SYCP1: variants seen among roughly 807,000 people sequenced by gnomAD.
SYCP1 encodes the protein synaptonemal complex protein 1, also known as cancer/testis antigen 8.
Under a neutral mutation model 153.1 loss-of-function variants are expected in SYCP1, and 64 were observed. That is an observed-to-expected ratio of 0.42 (90% CI 0.34 to 0.51). The LOEUF (loss-of-function observed/expected upper bound fraction) is 0.51. Ranked by LOEUF, SYCP1 falls within the 20% of genes least tolerant of loss-of-function variation. The pLI is 0.06. For synonymous variants in SYCP1, 384 were observed against 341.8 expected, an observed-to-expected ratio of 1.12 and a Z score of -1.36; for missense variants, 997 against 1,049.0, an observed-to-expected ratio of 0.95 and a Z score of 0.68.
At chr1:114,942,929 A>G (rs1443887397) in intron 23 of SYCP1, among the ~76,000 whole-genome samples, 2 of 151,958 alleles carry the variant, frequency 1.3e-5, no homozygotes, top group African/African-American at 4.8e-5. Flanking sequence ...AAGGATTAGA[A>G]CCCATTAAAT....
chr1:114,881,089 A>ACG (rs1665894091), intron 12 of SYCP1, among the ~76,000 whole-genome samples: 1 of 151,744 alleles, frequency 6.6e-6, no homozygotes, highest in Non-Finnish European at 1.5e-5. Context: ...ACACACACAC[A>ACG]CACACATTTC....
intron 8 of SYCP1, among the ~76,000 whole-genome samples, chr1:114,862,078 G>A (rs1664419290): frequency 6.6e-6 from 1 of 152,102 alleles, no homozygotes; most frequent in Non-Finnish European, 1.5e-5. Context: ...TGGGATTACA[G>A]GCATGAGCCA....
intron 15 of SYCP1, among the ~76,000 whole-genome samples, chr1:114,893,138 G>A (rs189927865): frequency 9.8e-5 from 15 of 152,308 alleles, no homozygotes; most frequent in Admixed American, 2.0e-4. Context: ...TATTCTTTGT[G>A]GAGGAGGTGA....
intron 8 of SYCP1, among the ~76,000 whole-genome samples, chr1:114,873,719 A>C (rs900301163): frequency 2.0e-5 from 3 of 152,116 alleles, no homozygotes; most frequent in African/African-American, 7.2e-5. Context: ...ACTCACAAGA[A>C]TCTGGGGCCT....
At chr1:114,971,810 T>C (rs970965560) in intron 27 of SYCP1, among the ~76,000 whole-genome samples, 1 of 152,162 alleles carries the variant, frequency 6.6e-6, no homozygotes. Context: ...TTGTTGAATT[T>C]GGTTTGCTCG....
intron 30 of SYCP1, among the ~76,000 whole-genome samples, chr1:114,989,743 T>C (rs1338618832): frequency 6.6e-6 from 1 of 151,846 alleles, no homozygotes; most frequent in Non-Finnish European, 1.5e-5. Context: ...GACTTTAAAT[T>C]AAAAAGTGCA....
intron 15 of SYCP1, among the ~76,000 whole-genome samples, chr1:114,890,998 A>G (rs1249101931): frequency 1.3e-5 from 2 of 152,094 alleles, no homozygotes; most frequent in African/African-American, 4.8e-5. Flanking sequence ...CGTGCTTCAG[A>G]TTACCCCCAT....
At chr1:114,881,056 T>TATATACACACACACACACAC (rs375436670) in intron 12 of SYCP1, among the ~76,000 whole-genome samples, 4 of 145,044 alleles carry the variant, frequency 2.8e-5, no homozygotes, top group Non-Finnish European at 6.0e-5. Context: ...TTTGTGTATA[T>TATATACACACACACACACAC]ACACACACAC....
intron 23 of SYCP1, 65 bp from the exon 24 acceptor site, chr1:114,944,274 T>C: frequency 1.1e-6 from 1 of 908,434 alleles, no homozygotes; most frequent in East Asian, 2.7e-5. Flanking sequence ...ACAAAATGAA[T>C]ATGGAATGTT....
In SYCP1 at chr1:114,995,172, A is replaced by C; in HGVS notation, c.*153A>C. 1.5e-6 allele frequency: 1 copy of C among 683,032 alleles called. No homozygotes were observed. Among genetic ancestry groups the C allele is most frequent in the Non-Finnish European group, 2.3e-6 (1 of 443,750 alleles). 42.3% of individuals were successfully genotyped at this position (683,032 alleles called of 1,614,324 possible). On this transcript the variant is annotated 3_prime_UTR_variant, in exon 32 of 32. Coordinates refer to ENST00000369522, the MANE Select transcript of SYCP1 (RefSeq NM_003176.4). ...GTGTTTCTTTATATTTTTAGCCTAA[A>C]TGTTAACTACATATTGTCTGGAAAC...
chr1:114,936,773 C>A (rs921670112), intron 23 of SYCP1, among the ~76,000 whole-genome samples: 4 of 152,110 alleles, frequency 2.6e-5, no homozygotes, highest in African/African-American at 9.7e-5. Flanking sequence ...AGAGCCAAAT[C>A]ATGAGTGAAC....
chr1:114,856,830 C>T (rs1663977794), intron 3 of SYCP1, among the ~76,000 whole-genome samples, 173 bp downstream of exon 3: 1 of 143,760 alleles, frequency 7.0e-6, no homozygotes, highest in Admixed American at 7.4e-5. Flanking sequence ...CCTGTAATTC[C>T]AGCACTGTGG....
intron 16 of SYCP1, among the ~76,000 whole-genome samples, chr1:114,909,430 GTCTC>G (rs1422545955): frequency 7.0e-6 from 1 of 143,560 alleles, no homozygotes; most frequent in Non-Finnish European, 1.5e-5. Context: ...GTTATATATT[GTCTC>G]TCTCTCTCTC....
intron 20 of SYCP1, among the ~76,000 whole-genome samples, chr1:114,921,219 G>A (rs1246850369): frequency 6.6e-6 from 1 of 151,990 alleles, no homozygotes; most frequent in Non-Finnish European, 1.5e-5. Flanking sequence ...CTGATGACAA[G>A]TTAACTGATT....
At chr1:114,889,720 A>T (rs1006140939) in intron 15 of SYCP1, among the ~76,000 whole-genome samples, 2 of 152,014 alleles carry the variant, frequency 1.3e-5, no homozygotes, top group East Asian at 3.9e-4. Flanking sequence ...GATCCCATTT[A>T]TCAATTTTGG....
At chr1:114,874,219 G>A (rs1255757237) in intron 8 of SYCP1, among the ~76,000 whole-genome samples, 4 of 152,226 alleles carry the variant, frequency 2.6e-5, no homozygotes, top group South Asian at 4.2e-4. Flanking sequence ...TTTGCCCTGC[G>A]ACTTTACTTC....
At chr1:114,886,005 GA>G in intron 13 of SYCP1, 119 bp from the exon 14 acceptor site, 1 of 615,428 alleles carries the variant, frequency 1.6e-6, no homozygotes, top group Non-Finnish European at 2.6e-6. Flanking sequence ...TAGGAAGGAG[GA>G]ATAATAGGAA....
chr1:114,944,044 A>G (rs1029436491), intron 23 of SYCP1, among the ~76,000 whole-genome samples: 1 of 151,886 alleles, frequency 6.6e-6, no homozygotes, highest in African/African-American at 2.4e-5. Flanking sequence ...AATAAAGCGT[A>G]TTAAACTGAG....
In SYCP1 at chr1:114,876,104, A is replaced by G. The variant is rs1336440821; in HGVS notation, c.693A>G (p.Gln231=). ...MITAFEELRV[Q]AENSRLEMHF... is the part of the protein sequence containing the mutation. ...CAGCTTTTGAGGAACTTCGTGTGCAAGCTGAGAATTCCAGACTGGAAATGC... is the reference window on the plus strand; with the variant it reads ...CAGCTTTTGAGGAACTTCGTGTGCAGGCTGAGAATTCCAGACTGGAAATGC... The change falls in exon 10 of 32, where the codon CAA becomes CAG. Residue 231 remains glutamine, a synonymous_variant. Transcript: ENST00000369522. 1.3e-6 allele frequency: 2 copies of G among 1,586,006 alleles called. No individual in the cohort carries two copies. Among genetic ancestry groups the G allele is most frequent in the Non-Finnish European group, 1.7e-6 (2 of 1,164,670 alleles).
Sources: gnomAD v4.1 joint callset for allele counts (sites outside exome capture counted in the v4.1 genomes callset) on GRCh38, gnomAD v4.1.1 for gene constraint, MANE v1.5 for transcripts, NCBI Gene and HGNC (gene_info 2026-07-23, HGNC 2026-07-21) for gene names.